The following PATJ variants were observed in gnomAD, a reference collection of about 807,000 sequenced individuals.
PATJ encodes the protein PATJ crumbs cell polarity complex component, also known as inaD-like protein.
In PATJ, 190 loss-of-function variants were observed where a neutral mutation model predicts 224.9. That is an observed-to-expected ratio of 0.84 (90% CI 0.75 to 0.95). The LOEUF is 0.95. PATJ is among the 40% of genes least tolerant of loss of function. PATJ has a pLI of 0.00. For synonymous variants in PATJ, 769 were observed against 820.3 expected (o/e 0.94, Z 1.07); for missense variants, 2,121 against 2,270.3 (o/e 0.93, Z 1.34).
At chr1:61,794,189 A>G (rs946749429) in intron 9 of PATJ, among the ~76,000 whole-genome samples, 30 of 151,340 alleles carry the variant, frequency 2.0e-4, no homozygotes, top group Non-Finnish European at 7.4e-5. Context: ...GGCGTGAGCC[A>G]CTGTGCCCGG....
chr1:62,091,756 T>TA (rs1167480215), intron 33 of PATJ, among the ~76,000 whole-genome samples: 1 of 151,284 alleles, frequency 6.6e-6, no homozygotes, highest in Non-Finnish European at 1.5e-5. Flanking sequence ...ATCTCTTATT[T>TA]TAAAAAAAAA....
intron 11 of PATJ, among the ~76,000 whole-genome samples, chr1:61,799,352 T>C (rs888482322): frequency 2.0e-5 from 3 of 152,022 alleles, no homozygotes; most frequent in Non-Finnish European, 4.4e-5. Context: ...CCCGCCACCA[T>C]GCCTGGCTAA....
At chr1:62,019,672 C>G (rs1395872836) in intron 29 of PATJ, among the ~76,000 whole-genome samples, 1 of 151,932 alleles carries the variant, frequency 6.6e-6, no homozygotes, top group Non-Finnish European at 1.5e-5. Context: ...CCTTACTCTC[C>G]TTTGACATCC....
chr1:61,806,373 A>C (rs1653536138), intron 13 of PATJ, among the ~76,000 whole-genome samples: 2 of 151,906 alleles, frequency 1.3e-5, no homozygotes, highest in African/African-American at 2.4e-5. Context: ...TAATTCCAGC[A>C]CTTTGGGAGG....
At chr1:62,114,405 G>T (rs1164123787) in intron 35 of PATJ, 159 bp downstream of exon 35, 2 of 665,524 alleles carry the variant, frequency 3.0e-6, no homozygotes, top group Admixed American at 6.2e-5. Flanking sequence ...TCTGAGCAAG[G>T]TCTTACCAGA....
At chr1:62,027,431 T>C (rs1396088093) in intron 29 of PATJ, among the ~76,000 whole-genome samples, 2 of 152,340 alleles carry the variant, frequency 1.3e-5, no homozygotes, top group East Asian at 1.9e-4. Flanking sequence ...AACATGGATA[T>C]ACAGATATCT....
chr1:61,778,340 G>A (rs989638574), intron 7 of PATJ, among the ~76,000 whole-genome samples: 48 of 152,102 alleles, frequency 3.2e-4, no homozygotes, highest in African/African-American at 9.7e-5. Flanking sequence ...AGACCAATAT[G>A]TGATATGACA....
Position 61,862,992 on chromosome 1 carries a change from T to TA in PATJ, c.2440-1236dup, listed in dbSNP as rs1047239043. On this transcript the variant is annotated intron_variant, in intron 19 of 43. Transcript: ENST00000642238. ...GTTCAAATACATCCTCTAACCACAT[T>TA]AAAAAAAAAATACAGGGCAGTATTA... Among the ~76,000 whole-genome samples, 264 of 141,624 alleles carry TA rather than the reference T, an allele frequency of 1.9e-3. 1 individual carries two copies. Among genetic ancestry groups the TA allele is most frequent in the African/African-American group, 5.9e-3 (231 of 38,878 alleles). The allele number at this position is 141,624 out of a possible 152,430, so 92.9% of individuals were successfully genotyped here.
intron 31 of PATJ, among the ~76,000 whole-genome samples, chr1:62,057,330 A>C (rs996121006): frequency 6.6e-6 from 1 of 152,200 alleles, no homozygotes; most frequent in African/African-American, 2.4e-5. Context: ...TGATGAACTG[A>C]AAGTCTGTGG....
At chr1:61,797,803 C>T (rs1240315782) in intron 11 of PATJ, among the ~76,000 whole-genome samples, 1 of 151,888 alleles carries the variant, frequency 6.6e-6, no homozygotes, top group African/African-American at 2.4e-5. Context: ...TTCGGGTTTC[C>T]TATTACTTTT....
At position 62,084,642 on chromosome 1, in the gene PATJ, AC is replaced by A; in HGVS notation, c.4374del (p.Leu1459Ter). On this transcript the variant is annotated frameshift_variant, in exon 33 of 44. Coordinates refer to ENST00000642238, the MANE Select transcript of PATJ (RefSeq NM_001350145.3). LOFTEE classifies it high-confidence loss of function. ...TCAGCATTGTGGGAGGAAAAGACAC[AC>A]CCTTGGTAAGTTTCTAGAAATAAAA... ...GLSIVGGKDT[P>X]LNAIVIHEVY... The A allele has an allele frequency of 6.2e-7, 1 of 1,612,180 alleles. No homozygotes were observed. Among genetic ancestry groups the A allele is most frequent in the South Asian group, 1.1e-5 (1 of 90,342 alleles).
intron 31 of PATJ, chr1:62,072,373 C>T (rs1657568369): frequency 6.6e-6 from 1 of 151,934 alleles, no homozygotes; most frequent in Admixed American, 6.6e-5. Context: ...GAGCCCTGAA[C>T]AGATAGTTTT....
At chr1:61,929,293 G>A (rs573244826) in intron 27 of PATJ, among the ~76,000 whole-genome samples, 2 of 152,300 alleles carry the variant, frequency 1.3e-5, no homozygotes, top group South Asian at 2.1e-4. Flanking sequence ...CTAAGATTAT[G>A]TTCTAATCCT....
chr1:61,880,288 A>G (rs1374078264), intron 21 of PATJ, among the ~76,000 whole-genome samples: 2 of 152,240 alleles, frequency 1.3e-5, no homozygotes, highest in Admixed American at 1.3e-4. Context: ...GCTATCTCTA[A>G]TGCCTAGAAT....
intron 31 of PATJ, chr1:62,054,279 C>G (rs1009901924): frequency 1.0e-5 from 4 of 390,704 alleles, no homozygotes; most frequent in Non-Finnish European, 2.1e-5. Flanking sequence ...GGGAGGATTA[C>G]TTGGACCTGG....
chr1:62,098,547 A>T (rs1661687317), intron 33 of PATJ, among the ~76,000 whole-genome samples: 1 of 151,684 alleles, frequency 6.6e-6, no homozygotes, highest in Admixed American at 6.6e-5. Context: ...GTGAGCCAAG[A>T]TTGTGCCATT....
chr1:61,930,595 T>C (rs1201173943), intron 27 of PATJ, among the ~76,000 whole-genome samples: 4 of 152,142 alleles, frequency 2.6e-5, no homozygotes, highest in Admixed American at 2.6e-4. Context: ...TTTTTTGAGA[T>C]GGGGTCTTGT....
At chr1:61,818,730 C>T (rs1436817549) in intron 14 of PATJ, among the ~76,000 whole-genome samples, 1 of 152,134 alleles carries the variant, frequency 6.6e-6, no homozygotes, top group Non-Finnish European at 1.5e-5. Context: ...TTCTAGGGAG[C>T]ATGTGGTGTT....
intron 33 of PATJ, among the ~76,000 whole-genome samples, chr1:62,094,658 T>C (rs1458576883): frequency 2.0e-5 from 3 of 152,150 alleles, no homozygotes; most frequent in Non-Finnish European, 1.5e-5. Flanking sequence ...TTAATCTTTT[T>C]TATGTCAAAA....
Sources: allele counts gnomAD v4.1 joint callset (sites outside exome capture counted in the v4.1 genomes callset), GRCh38; gene constraint gnomAD v4.1.1; transcripts MANE v1.5; gene names NCBI Gene and HGNC (gene_info 2026-07-23, HGNC 2026-07-21).